The following FBXO15 variants were observed in gnomAD, a reference collection of about 807,000 sequenced individuals.
The protein encoded by FBXO15 is F-box protein 15, also known as F-box only protein 15.
Under a neutral mutation model 49.5 loss-of-function variants are expected in FBXO15, and 30 were observed. That is an observed-to-expected ratio of 0.61 (90% CI 0.45 to 0.82). FBXO15 has a LOEUF of 0.82. Ranked by LOEUF, FBXO15 falls within the 40% of genes least tolerant of loss-of-function variation. The probability of loss-of-function intolerance (pLI) is 0.00; values close to 1 mark genes in which losing one functional copy is unlikely to be tolerated. For missense variants in FBXO15, 591 were observed against 631.5 expected (o/e 0.94, Z 0.69); for synonymous variants, 250 against 232.7 (o/e 1.07, Z -0.68).
intron 8 of FBXO15, among the ~76,000 whole-genome samples, chr18:74,094,324 T>C (rs1913185230): frequency 6.6e-6 from 1 of 152,106 alleles, no homozygotes; most frequent in Admixed American, 6.5e-5. Flanking sequence ...CAAAATCTGG[T>C]TGTTTAAAAG....
chr18:74,129,625 A>G lies in FBXO15; in HGVS notation c.576-11T>C. The G allele has an allele frequency of 1.3e-6, 2 of 1,583,678 alleles. No homozygotes were observed. Among genetic ancestry groups the G allele is most frequent in the Non-Finnish European group, 1.7e-6 (2 of 1,165,790 alleles). ...CCTAAACCAAATATTCTGGAGAAAG[A>G]AAAAAAAACTAACAATGTTTGCCTC... On this transcript the variant is annotated splice_polypyrimidine_tract_variant and intron_variant, in intron 4 of 9. Coordinates refer to ENST00000419743, the MANE Select transcript of FBXO15 (RefSeq NM_001142958.2).
chr18:74,093,265 G>GC (rs201005807), intron 8 of FBXO15, among the ~76,000 whole-genome samples: 34 of 130,164 alleles, frequency 2.6e-4, no homozygotes, highest in South Asian at 1.2e-3. Context: ...CAAAACAATG[G>GC]GGGGGGGGTG....
At chr18:74,140,709 CAAGA>C in intron 1 of FBXO15, 1 of 195,198 alleles carries the variant, frequency 5.1e-6, no homozygotes, top group Non-Finnish European at 1.0e-5. Flanking sequence ...AAGGAAACCT[CAAGA>C]CCGTACTTAC....
At chr18:74,130,687 T>C (rs777223012) in intron 3 of FBXO15, 29 bp from the exon 4 acceptor site, 2 of 1,594,896 alleles carry the variant, frequency 1.3e-6, no homozygotes, top group East Asian at 2.2e-5. Flanking sequence ...ATATGTTAAC[T>C]AAGAGACACT....
chr18:74,106,630 C>T (rs915663154), intron 8 of FBXO15, among the ~76,000 whole-genome samples: 7 of 152,048 alleles, frequency 4.6e-5, no homozygotes, highest in Non-Finnish European at 1.0e-4. Context: ...GAAGTCAGAT[C>T]CTAAGAAGAT....
intron 8 of FBXO15, among the ~76,000 whole-genome samples, chr18:74,111,544 T>C (rs1377609142): frequency 1.3e-5 from 2 of 152,028 alleles, no homozygotes; most frequent in African/African-American, 4.8e-5. Flanking sequence ...AGTGCTTAAA[T>C]GGATATTTAT....
chr18:74,136,122 G>A (rs1376017172), intron 2 of FBXO15, among the ~76,000 whole-genome samples: 7 of 152,104 alleles, frequency 4.6e-5, no homozygotes, highest in African/African-American at 9.7e-5. Context: ...TTTTAATCAC[G>A]TTCATACACT....
chr18:74,141,170 A>G (rs1291554963), intron 1 of FBXO15, among the ~76,000 whole-genome samples: 1 of 152,220 alleles, frequency 6.6e-6, no homozygotes, highest in Non-Finnish European at 1.5e-5. Context: ...TCTTTTTCAG[A>G]GGTTCCTAAA....
chr18:74,118,485 C>G (rs1007812325), intron 8 of FBXO15, among the ~76,000 whole-genome samples: 1 of 146,244 alleles, frequency 6.8e-6, no homozygotes, highest in Non-Finnish European at 1.5e-5. Flanking sequence ...ACATTATACA[C>G]AGAGAGAGAG....
intron 1 of FBXO15, among the ~76,000 whole-genome samples, chr18:74,146,152 T>C (rs1382726185): frequency 6.6e-6 from 1 of 152,236 alleles, no homozygotes; most frequent in Non-Finnish European, 1.5e-5. Context: ...TTACAGCAGG[T>C]ACAAATTAAG....
chr18:74,099,576 A>G (rs574183147), intron 8 of FBXO15: 6 of 152,328 alleles, frequency 3.9e-5, no homozygotes, highest in African/African-American at 1.4e-4. Flanking sequence ...ACATCCCAAT[A>G]CTAACATTGA....
At chr18:74,105,143 T>C (rs934450815) in intron 8 of FBXO15, among the ~76,000 whole-genome samples, 1 of 152,110 alleles carries the variant, frequency 6.6e-6, no homozygotes, top group African/African-American at 2.4e-5. Flanking sequence ...AGTAGACTAG[T>C]CATTACTGGA....
chr18:74,104,041 T>A (rs1913639452), intron 8 of FBXO15, among the ~76,000 whole-genome samples: 1 of 152,130 alleles, frequency 6.6e-6, no homozygotes, highest in Admixed American at 6.6e-5. Flanking sequence ...AAGACAAATC[T>A]ATCAGCAATA....
At chr18:74,134,962 T>C (rs1177946933) in intron 3 of FBXO15, among the ~76,000 whole-genome samples, 1 of 152,132 alleles carries the variant, frequency 6.6e-6, no homozygotes, top group East Asian at 1.9e-4. Flanking sequence ...AGGTTCTATG[T>C]AGGAATGATG....
At position 74,073,684 on chromosome 18, in the gene FBXO15, G is replaced by C. The variant is rs750347256; in HGVS notation, c.1310C>G (p.Pro437Arg). Residue 437 changes from proline (P) to arginine (R), a missense_variant, in exon 10 of 10, where the codon CCC becomes CGC. Coordinates refer to ENST00000419743, the MANE Select transcript of FBXO15 (RefSeq NM_001142958.2). ...DVTLLDEHGK[P>R]FWCFSSPVCL... ...CACCGGGGAACTGAAACACCAAAAGGGTTTCCCATGTTCATCCAAAAGAGT... is the reference window on the plus strand; with the variant it reads ...CACCGGGGAACTGAAACACCAAAAGCGTTTCCCATGTTCATCCAAAAGAGT... 9.3e-6 allele frequency: 15 copies of C among 1,614,016 alleles called. No homozygotes were observed. The highest frequency in any genetic ancestry group is 2.2e-5 in the East Asian group (1 of 44,872).
Position 74,147,704 on chromosome 18 carries a change from C to T in FBXO15, c.82G>A (p.Ala28Thr). ...AAGGCCCTGGCGCGCCCCCGGGCCG[C>T]GCCACCGCCCCTGCTGGGCCCGCGC... ...TLRGPSRGGG[A>T]ARGRARAFGC... Residue 28 changes from alanine (A) to threonine (T), a missense_variant, in exon 1 of 10, where the codon GCG (alanine) becomes ACG (threonine). Coordinates refer to ENST00000419743, the MANE Select transcript of FBXO15 (RefSeq NM_001142958.2). The T allele has an allele frequency of 1.3e-6, 2 of 1,521,886 alleles. No homozygotes were observed. The highest frequency in any genetic ancestry group is 1.8e-6 in the Non-Finnish European group (2 of 1,137,652). The allele number at this position is 1,521,886 out of a possible 1,614,324, so 94.3% of individuals were successfully genotyped here.
chr18:74,109,581 A>G (rs1229726575), intron 8 of FBXO15, among the ~76,000 whole-genome samples: 2 of 152,192 alleles, frequency 1.3e-5, no homozygotes, highest in Non-Finnish European at 2.9e-5. Flanking sequence ...AACCAACCCA[A>G]ATGTTCATCA....
At chr18:74,095,635 CG>C (rs1375501588) in intron 8 of FBXO15, among the ~76,000 whole-genome samples, 2 of 152,012 alleles carry the variant, frequency 1.3e-5, no homozygotes, top group African/African-American at 4.8e-5. Context: ...CACAAATCAC[CG>C]GAACAGATAT....
intron 8 of FBXO15, among the ~76,000 whole-genome samples, chr18:74,105,926 C>T (rs1012536233): frequency 4.9e-4 from 74 of 151,854 alleles, no homozygotes; most frequent in African/African-American, 1.7e-3. Flanking sequence ...TAAAATCTGG[C>T]CAGGTGAATA....
Sources: gnomAD v4.1 joint callset for allele counts (sites outside exome capture counted in the v4.1 genomes callset) on GRCh38, gnomAD v4.1.1 for gene constraint, MANE v1.5 for transcripts, NCBI Gene and HGNC (gene_info 2026-07-23, HGNC 2026-07-21) for gene names.